FUT8: variants seen among roughly 807,000 people sequenced by gnomAD.
FUT8 encodes the protein fucosyltransferase 8.
A neutral mutation model predicts 71.3 loss-of-function variants in FUT8; 29 were observed. The ratio of observed to expected loss-of-function variants is 0.41; its 90% CI spans 0.30 to 0.55. The LOEUF is 0.55. FUT8 is among the 20% of genes least tolerant of loss of function. The pLI is 0.34. For missense variants in FUT8, 544 were observed against 702.1 expected, an observed-to-expected ratio of 0.77 and a Z score of 2.55; for synonymous variants, 254 against 239.3, an observed-to-expected ratio of 1.06 and a Z score of -0.57.
At chr14:65,648,746 A>AT (rs1416012249) in intron 6 of FUT8, among the ~76,000 whole-genome samples, 2 of 152,142 alleles carry the variant, frequency 1.3e-5, no homozygotes, top group African/African-American at 2.4e-5. Context: ...TTTATCTTTG[A>AT]TTTTTTGCAT....
intron 7 of FUT8, among the ~76,000 whole-genome samples, chr14:65,719,520 T>C (rs1285018145): frequency 1.3e-5 from 2 of 152,156 alleles, no homozygotes; most frequent in African/African-American, 4.8e-5. Flanking sequence ...TTGTGGGTGT[T>C]CATTGGTGTC....
intron 7 of FUT8, among the ~76,000 whole-genome samples, chr14:65,677,151 T>TGCGTGCGC (rs1555383260): frequency 3.0e-4 from 33 of 110,702 alleles, no homozygotes; most frequent in Admixed American, 1.9e-3. Flanking sequence ...TGTGTGTGTG[T>TGCGTGCGC]GCGCGCGCGC....
intron 7 of FUT8, among the ~76,000 whole-genome samples, chr14:65,689,092 T>C (rs1231984518): frequency 6.6e-6 from 1 of 152,242 alleles, no homozygotes; most frequent in Non-Finnish European, 1.5e-5. Flanking sequence ...ATTCAGTCCA[T>C]AACAGTGATT....
At chr14:65,721,724 G>A in intron 7 of FUT8, 51 bp from the exon 8 acceptor site, 1 of 1,575,642 alleles carries the variant, frequency 6.3e-7, no homozygotes, top group Non-Finnish European at 8.7e-7. Context: ...TTGAATGGTG[G>A]ATGTATAAGG....
At chr14:65,557,275 C>G (rs1404254598) in intron 2 of FUT8, among the ~76,000 whole-genome samples, 5 of 151,690 alleles carry the variant, frequency 3.3e-5, no homozygotes, top group Admixed American at 2.0e-4. Flanking sequence ...TACCTTAGTA[C>G]CTTAAAAAGG....
chr14:65,482,109 A>G (rs896198430), intron 2 of FUT8, among the ~76,000 whole-genome samples: 1 of 152,130 alleles, frequency 6.6e-6, no homozygotes, highest in African/African-American at 2.4e-5. Flanking sequence ...TGGAAGTTTT[A>G]TGGTTTTGTA....
intron 3 of FUT8, among the ~76,000 whole-genome samples, chr14:65,597,450 C>T (rs930898313): frequency 6.6e-5 from 10 of 151,634 alleles, no homozygotes; most frequent in Admixed American, 2.0e-4. Context: ...AGTGAAACCC[C>T]GTCTCTACTA....
intron 3 of FUT8, among the ~76,000 whole-genome samples, chr14:65,595,991 A>T (rs1399746910): frequency 6.6e-6 from 1 of 152,182 alleles, no homozygotes; most frequent in East Asian, 1.9e-4. Context: ...TTTGTTTTTG[A>T]AAGTATCAGG....
At chr14:65,456,646 G>A (rs1462856922) in intron 2 of FUT8, among the ~76,000 whole-genome samples, 2 of 152,024 alleles carry the variant, frequency 1.3e-5, no homozygotes, top group East Asian at 1.9e-4. Flanking sequence ...AGGCTGAGGC[G>A]GGCGGATCAT....
intron 7 of FUT8, among the ~76,000 whole-genome samples, chr14:65,673,288 G>A (rs1892559100): frequency 6.6e-6 from 1 of 152,144 alleles, no homozygotes; most frequent in South Asian, 2.1e-4. Flanking sequence ...TTATGTGGAG[G>A]CAACCTTGAA....
At chr14:65,465,801 T>C (rs2066034543) in intron 2 of FUT8, among the ~76,000 whole-genome samples, 1 of 152,228 alleles carries the variant, frequency 6.6e-6, no homozygotes, top group Admixed American at 6.5e-5. Context: ...TGATTGATGG[T>C]GTCATCAGTT....
At chr14:65,524,482 A>G (rs528090095) in intron 2 of FUT8, among the ~76,000 whole-genome samples, 15 of 152,252 alleles carry the variant, frequency 9.9e-5, no homozygotes, top group South Asian at 8.3e-4. Context: ...GGCTGAGACA[A>G]TGGGGTTTTC....
In FUT8 at chr14:65,660,751, T is replaced by A. The variant is rs1891919393; in HGVS notation, c.598-8492T>A. Reference sequence around the variant, plus strand: ...GACAATAATTTCTGGTCTTGGCTTTTAAAAGTGAGCATGCTTTTTAATTGC... The same window carrying A: ...GACAATAATTTCTGGTCTTGGCTTTAAAAAGTGAGCATGCTTTTTAATTGC... On this transcript the variant is annotated intron_variant, in intron 6 of 10. Coordinates refer to ENST00000673929, the MANE Select transcript of FUT8 (RefSeq NM_001371533.1). This position sits in a 1 kb window ranked among gnomAD's most constrained non-coding sequence, Gnocchi z 4.1. 6.6e-6 allele frequency among the ~76,000 whole-genome samples: 1 copy of A among 152,234 alleles called. No homozygotes were observed. Among genetic ancestry groups the A allele is most frequent in the Admixed American group, 6.5e-5 (1 of 15,284 alleles).
In FUT8 at chr14:65,744,058, T is replaced by C. The variant is rs1896623553; in HGVS notation, c.*1648T>C. 6.6e-6 allele frequency: 1 copy of C among 151,908 alleles called. No homozygotes were observed. Among genetic ancestry groups the C allele is most frequent in the Non-Finnish European group, 1.5e-5 (1 of 67,872 alleles). The allele number at this position is 151,908 out of a possible 1,614,324, so 9.4% of individuals were successfully genotyped here. On this transcript the variant is annotated 3_prime_UTR_variant, in exon 11 of 11. Coordinates refer to ENST00000673929, the MANE Select transcript of FUT8 (RefSeq NM_001371533.1). ...CTCCCAAAGAAAAAAGAAATTAACTTCCTACAGTGTCAGCAAGCAATTTTC... is the reference window on the plus strand; with the variant it reads ...CTCCCAAAGAAAAAAGAAATTAACTCCCTACAGTGTCAGCAAGCAATTTTC...
Position 65,724,310 on chromosome 14 carries a change from G to C in FUT8, c.1246G>C (p.Glu416Gln), listed in dbSNP as rs1895572462. 1 of 1,602,714 alleles carries C rather than the reference G, an allele frequency of 6.2e-7. No homozygotes were observed. Among genetic ancestry groups the C allele is most frequent in the African/African-American group, 1.3e-5 (1 of 74,624 alleles). ...LATDDPSLLK[E>Q]AKTKYPNYEF... ...CACAGATGACCCTTCTTTATTAAAG[G>C]AGGCAAAAACAAAGTAAGTTAGACC... Residue 416 changes from glutamate to glutamine, a missense_variant, in exon 9 of 11, where the codon GAG becomes CAG. Coordinates refer to ENST00000673929, the MANE Select transcript of FUT8 (RefSeq NM_001371533.1).
intron 3 of FUT8, among the ~76,000 whole-genome samples, chr14:65,609,986 A>G (rs531601990): frequency 2.9e-4 from 44 of 152,034 alleles, no homozygotes; most frequent in African/African-American, 1.0e-3. Context: ...GTAACTAATA[A>G]TGTGGTTTAA....
chr14:65,445,314 A>G (rs1024524110), intron 1 of FUT8, among the ~76,000 whole-genome samples: 1 of 152,238 alleles, frequency 6.6e-6, no homozygotes, highest in Non-Finnish European at 1.5e-5. Flanking sequence ...GAGTGTTTAC[A>G]GCCAGAAAGA....
At chr14:65,504,938 G>T (rs1482647922) in intron 2 of FUT8, among the ~76,000 whole-genome samples, 2 of 152,078 alleles carry the variant, frequency 1.3e-5, no homozygotes, top group Non-Finnish European at 2.9e-5. Flanking sequence ...GTGAAACTCC[G>T]TCTCAGAAAA....
In FUT8 at chr14:65,439,954, G is replaced by GTGTGTGTATATATA; in HGVS notation, c.-325-15666_-325-15665insGTGTGTATATATAT. Among the ~76,000 whole-genome samples, 272 of 74,896 alleles carry GTGTGTGTATATATA rather than the reference G, an allele frequency of 3.6e-3. 1 individual carries two copies. Among genetic ancestry groups the GTGTGTGTATATATA allele is most frequent in the South Asian group, 4.8e-3 (8 of 1,684 alleles). The allele number at this position is 74,896 out of a possible 152,430, so 49.1% of individuals were successfully genotyped here. The stretch of plus-strand genomic sequence containing the variant: ...ATAAAGAAAATGTGTGTGTGTGTGT[G>GTGTGTGTATATATA]TATATATATATATATATATATATAT... On this transcript the variant is annotated intron_variant, in intron 1 of 10. Transcript: ENST00000673929.
Sources: allele counts gnomAD v4.1 joint callset (sites outside exome capture counted in the v4.1 genomes callset), GRCh38; gene constraint gnomAD v4.1.1; non-coding constraint Gnocchi (gnomAD v3.1); transcripts MANE v1.5; gene names NCBI Gene and HGNC (gene_info 2026-07-23, HGNC 2026-07-21).